SPEF2: variants seen among roughly 807,000 people sequenced by gnomAD.
The protein encoded by SPEF2 is sperm flagella and cilia-associated protein 2.
SPEF2 carries 187 observed loss-of-function variants against 224.6 expected under a neutral mutation model. The ratio of observed to expected loss-of-function variants is 0.83; its 90% CI spans 0.74 to 0.94. The LOEUF (loss-of-function observed/expected upper bound fraction) is 0.94, where lower values mean the gene tolerates loss of function less well. Ranked by LOEUF, SPEF2 falls within the 40% of genes least tolerant of loss-of-function variation. The pLI, the probability that SPEF2 is intolerant of heterozygous loss-of-function variation, is 0.00. For missense variants in SPEF2, 2,170 were observed against 2,135.6 expected (o/e 1.02, Z -0.32); for synonymous variants, 715 against 707.3 (o/e 1.01, Z -0.17).
chr5:35,659,897 G>GAA (rs34164245), intron 8 of SPEF2, among the ~76,000 whole-genome samples: 6 of 134,036 alleles, frequency 4.5e-5, no homozygotes, highest in Admixed American at 7.5e-5. Flanking sequence ...CTTGCCTTCT[G>GAA]AAAAAAAAAA....
At chr5:35,803,873 G>A (rs866442115) in intron 34 of SPEF2, among the ~76,000 whole-genome samples, 5 of 152,184 alleles carry the variant, frequency 3.3e-5, no homozygotes, top group African/African-American at 9.6e-5. Context: ...TATTCAATGC[G>A]GCTCAGGCCT....
rs1010566352 is a variant in SPEF2, at chr5:35,814,486, G to T, written c.5402G>T (p.Arg1801Met). 6.2e-7 allele frequency: 1 copy of T among 1,604,344 alleles called. No homozygotes were observed. The highest frequency in any genetic ancestry group is 8.5e-7 in the Non-Finnish European group (1 of 1,174,422). ...KFPDIKIILQ[R>M]SEHVQGSDGE... ...TAGGATATTAAAATAATTCTCCAAA[G>T]GAGTGAACATGTACAAGGAAGTGAT... The change falls in exon 37 of 37, where the codon AGG becomes ATG. Residue 1801 changes from arginine (R) to methionine (M), a missense_variant. By Grantham distance (91) the Arg-to-Met change is moderately conservative. Coordinates refer to ENST00000356031, the MANE Select transcript of SPEF2 (RefSeq NM_024867.4).
chr5:35,809,866 A>G (rs1009273680), intron 36 of SPEF2, among the ~76,000 whole-genome samples: 5 of 152,100 alleles, frequency 3.3e-5, no homozygotes, highest in African/African-American at 1.2e-4. Context: ...CCTGCTCCAC[A>G]TATCAGGGAA....
chr5:35,665,429 G>A (rs551301999), intron 8 of SPEF2, among the ~76,000 whole-genome samples: 3 of 143,684 alleles, frequency 2.1e-5, no homozygotes, highest in East Asian at 4.9e-4. Context: ...TGAAGGGAGG[G>A]AGAGGAACAG....
At chr5:35,667,531 G>GA (rs34756087) in intron 9 of SPEF2, among the ~76,000 whole-genome samples, 2,914 of 151,932 alleles carry the variant, frequency 0.019, 110 homozygotes, top group African/African-American at 0.067. Context: ...AAACTTTGAG[G>GA]AAAAAAATGG....
chr5:35,676,940 A>AT (rs1292278278), intron 10 of SPEF2, among the ~76,000 whole-genome samples: 1 of 152,122 alleles, frequency 6.6e-6, no homozygotes. Flanking sequence ...ACTTAGCCAT[A>AT]TTATTTGGTA....
At chr5:35,664,865 T>C (rs887419906) in intron 8 of SPEF2, among the ~76,000 whole-genome samples, 8 of 151,224 alleles carry the variant, frequency 5.3e-5, no homozygotes, top group African/African-American at 1.9e-4. Flanking sequence ...GGAGGAGAAC[T>C]TTGTGTTTTT....
At chr5:35,806,979 T>A in intron 35 of SPEF2, 27 bp downstream of exon 35, 1 of 1,581,820 alleles carries the variant, frequency 6.3e-7, no homozygotes, top group Non-Finnish European at 8.6e-7. Flanking sequence ...TGAAAAAAGT[T>A]GGCCTCAATT....
rs969198049 is a variant in SPEF2 at position 35,648,969 on chromosome 5, G to A, written c.727-392G>A. On this transcript the variant is annotated intron_variant, in intron 5 of 36. Coordinates refer to ENST00000356031, the MANE Select transcript of SPEF2 (RefSeq NM_024867.4). ...GTGGAGGATGCCTTGAGCCGAGATC[G>A]CGCCACTGCATTCCAGCCTGGGCGA... Among the ~76,000 whole-genome samples the A allele has an allele frequency of 4.7e-5, 7 of 150,500 alleles. No individual in the cohort carries two copies. The East Asian group carries it at 5.9e-4, about 13-fold the overall frequency.
intron 25 of SPEF2, among the ~76,000 whole-genome samples, chr5:35,762,881 G>C (rs1751514178): frequency 6.6e-6 from 1 of 152,154 alleles, no homozygotes; most frequent in South Asian, 2.1e-4. Flanking sequence ...GCTTAACTTT[G>C]TGTCCCCACA....
intron 32 of SPEF2, among the ~76,000 whole-genome samples, chr5:35,793,652 G>T (rs1042033182): frequency 6.6e-6 from 1 of 151,852 alleles, no homozygotes; most frequent in Non-Finnish European, 1.5e-5. Context: ...CTGTACATTA[G>T]AATCATCTGC....
At chr5:35,698,790 A>G (rs1755699380) in intron 15 of SPEF2, 1 of 152,212 alleles carries the variant, frequency 6.6e-6, no homozygotes, top group Non-Finnish European at 1.5e-5. Flanking sequence ...AGCCCCAGCC[A>G]AAGTCCAGGT....
intron 20 of SPEF2, among the ~76,000 whole-genome samples, chr5:35,718,465 G>C (rs6870518): frequency 0.02 from 3,101 of 152,208 alleles, 116 homozygotes; most frequent in African/African-American, 0.072. Flanking sequence ...AGGCATCCCT[G>C]GTTCCCGTTT....
At chr5:35,805,745 C>T (rs867129259) in intron 34 of SPEF2, among the ~76,000 whole-genome samples, 6 of 152,116 alleles carry the variant, frequency 3.9e-5, no homozygotes, top group African/African-American at 9.7e-5. Context: ...CTCCTTAATG[C>T]GTCTGCTTTC....
rs1385689000 is a variant in SPEF2 at position 35,632,454 on chromosome 5, A to C, written c.161+3892A>C. 4.6e-5 allele frequency among the ~76,000 whole-genome samples: 7 copies of C among 152,186 alleles called. 1 individual carries two copies. Among genetic ancestry groups the C allele is most frequent in the African/African-American group, 1.2e-4 (5 of 41,442 alleles). On this transcript the variant is annotated intron_variant, in intron 2 of 36. Coordinates refer to ENST00000356031, the MANE Select transcript of SPEF2 (RefSeq NM_024867.4). ...GACCAACATGGGGGAAGCTGTCTCC[A>C]TGATCCAATCACCTCCCACCAGGTA... is the stretch of plus-strand genomic sequence containing the variant.
chr5:35,688,711 C>A (rs1165042910), intron 10 of SPEF2, among the ~76,000 whole-genome samples: 1 of 152,026 alleles, frequency 6.6e-6, no homozygotes, highest in South Asian at 2.1e-4. Flanking sequence ...TTTATTATGA[C>A]CCTGGGAAAA....
chr5:35,745,909 T>C (rs1045531146), intron 23 of SPEF2, among the ~76,000 whole-genome samples: 3 of 152,200 alleles, frequency 2.0e-5, no homozygotes, highest in Non-Finnish European at 4.4e-5. Context: ...AGAACTGTCA[T>C]GGAGTCCATT....
chr5:35,810,023 AC>A (rs1758435551), intron 36 of SPEF2, among the ~76,000 whole-genome samples: 1 of 152,178 alleles, frequency 6.6e-6, no homozygotes, highest in Admixed American at 6.5e-5. Flanking sequence ...GAAAACTCCC[AC>A]AAAATCAGTA....
chr5:35,708,628 ACCATCACCTCTAC>A (rs2149588281), intron 18 of SPEF2, among the ~76,000 whole-genome samples: 2 of 78,126 alleles, frequency 2.6e-5, no homozygotes, highest in Admixed American at 1.2e-4. Context: ...TACCTCCACC[ACCATCACCTCTAC>A]CAGCACCTCC....
Sources: gnomAD v4.1 joint callset for allele counts (sites outside exome capture counted in the v4.1 genomes callset) on GRCh38, gnomAD v4.1.1 for gene constraint, MANE v1.5 for transcripts, NCBI Gene and HGNC (gene_info 2026-07-23, HGNC 2026-07-21) for gene names.